The following RAP1GAP variants were observed in gnomAD, a reference collection of about 807,000 sequenced individuals.
The protein encoded by RAP1GAP is RAP1 GTPase activating protein, also known as rap1 GTPase-activating protein 1.
In RAP1GAP, 35 loss-of-function variants were observed where a neutral mutation model predicts 87.2. That is an observed-to-expected ratio of 0.40 (90% CI 0.31 to 0.53). The LOEUF is 0.53. Ranked by LOEUF, RAP1GAP falls within the 20% of genes least tolerant of loss-of-function variation. The probability of loss-of-function intolerance (pLI) is 0.48; values close to 1 mark genes in which losing one functional copy is unlikely to be tolerated. For synonymous variants in RAP1GAP, 375 were observed against 363.9 expected, an observed-to-expected ratio of 1.03 and a Z score of -0.35; for missense variants, 734 against 898.9, an observed-to-expected ratio of 0.82 and a Z score of 2.35.
rs2077499 is a variant in RAP1GAP at position 21,617,920 on chromosome 1, T to G, written c.105+14A>C. On this transcript the variant is annotated intron_variant, in intron 6 of 24. Coordinates refer to ENST00000374765, the MANE Select transcript of RAP1GAP (RefSeq NM_002885.4). ...GGCTTGAGTAAGGGTGGGCGCGGGG[T>G]TCTAGCTGAGTACCTCGTGCACGCT... is the stretch of plus-strand genomic sequence containing the variant. 9.0e-3 allele frequency: 14,546 copies of G among 1,613,766 alleles called. 218 individuals carry two copies. The highest frequency in any genetic ancestry group is 0.064 in the African/African-American group (4,823 of 74,892).
At chr1:21,621,974 G>A (rs1213142646) in intron 3 of RAP1GAP, among the ~76,000 whole-genome samples, 3 of 152,200 alleles carry the variant, frequency 2.0e-5, no homozygotes, top group Non-Finnish European at 4.4e-5. Context: ...TGAGAGATGG[G>A]GTCCAGATGG....
At chr1:21,632,618 G>T (rs886183312) in intron 2 of RAP1GAP, among the ~76,000 whole-genome samples, 1 of 152,224 alleles carries the variant, frequency 6.6e-6, no homozygotes, top group African/African-American at 2.4e-5. Context: ...AGCAGGGTCA[G>T]CCCAGGCTCA....
chr1:21,613,966 G>T lies in RAP1GAP; in HGVS notation c.395+20C>A. ...ACCTCAGCCCTTCCTGCCATCTCAGGACTCCCCCACCACCCTCACCTGAGC... is the reference window on the plus strand; with the variant it reads ...ACCTCAGCCCTTCCTGCCATCTCAGTACTCCCCCACCACCCTCACCTGAGC... On this transcript the variant is annotated intron_variant, in intron 8 of 24. Transcript: ENST00000374765. The surrounding 1 kb of genome is among the most constrained non-coding windows in gnomAD (Gnocchi z 4.7). 8 of 1,549,018 alleles carry T rather than the reference G, an allele frequency of 5.2e-6. No homozygotes were observed. Among genetic ancestry groups the T allele is most frequent in the South Asian group, 1.1e-5 (1 of 87,784 alleles).
chr1:21,616,433 G>A (rs565349326), intron 7 of RAP1GAP, among the ~76,000 whole-genome samples: 98 of 152,300 alleles, frequency 6.4e-4, no homozygotes, highest in Admixed American at 1.0e-3. Context: ...GAAGCTTTGC[G>A]TGTACTTTTA....
chr1:21,600,851 C>T (rs1410986628), intron 20 of RAP1GAP, among the ~76,000 whole-genome samples: 1 of 122,962 alleles, frequency 8.1e-6, no homozygotes, highest in African/African-American at 3.3e-5. Flanking sequence ...TGCCACTGCA[C>T]TCCAGCCTGG....
rs896431376 is a variant in RAP1GAP, at chr1:21,615,536, C to T, written c.292-1447G>A. On this transcript the variant is annotated intron_variant, in intron 7 of 24. Transcript: ENST00000374765. This position sits in a 1 kb window ranked among gnomAD's most constrained non-coding sequence, Gnocchi z 4.5. ...CCTCCTGAGTAGCTGGGATTACAGG[C>T]GCCCAGCACCACACCTGGCTAATTT... 2.6e-5 allele frequency among the ~76,000 whole-genome samples: 4 copies of T among 152,242 alleles called. No individual in the cohort carries two copies. The highest frequency in any genetic ancestry group is 9.6e-5 in the African/African-American group (4 of 41,550).
At chr1:21,659,691 G>C (rs1037324443) in intron 1 of RAP1GAP, among the ~76,000 whole-genome samples, 3 of 152,196 alleles carry the variant, frequency 2.0e-5, no homozygotes, top group African/African-American at 7.2e-5. Context: ...GGGGGAAATT[G>C]AGGTGTGCAA....
chr1:21,654,224 C>G (rs183738941), intron 1 of RAP1GAP, among the ~76,000 whole-genome samples: 69 of 152,298 alleles, frequency 4.5e-4, no homozygotes, highest in Non-Finnish European at 1.5e-5. Flanking sequence ...ACCTGCAAGA[C>G]CACTTCCAAG....
intron 2 of RAP1GAP, among the ~76,000 whole-genome samples, chr1:21,646,699 C>T (rs2096081711): frequency 6.6e-6 from 1 of 152,208 alleles, no homozygotes; most frequent in Admixed American, 6.5e-5. Flanking sequence ...TACCCTGACA[C>T]CTCTCTACCT....
chr1:21,632,482 G>T (rs545498455), intron 2 of RAP1GAP, among the ~76,000 whole-genome samples: 1 of 152,222 alleles, frequency 6.6e-6, no homozygotes, highest in Non-Finnish European at 1.5e-5. Context: ...CTGAGGCTTG[G>T]AGAGGTGAAA....
chr1:21,649,202 C>A (rs183701963), intron 2 of RAP1GAP, among the ~76,000 whole-genome samples: 1 of 152,106 alleles, frequency 6.6e-6, no homozygotes, highest in Non-Finnish European at 1.5e-5. Context: ...ACAGTTGCCT[C>A]GTTCCCTCCT....
At chr1:21,607,895 A>C (rs1570574012) in intron 17 of RAP1GAP, among the ~76,000 whole-genome samples, 1 of 146,876 alleles carries the variant, frequency 6.8e-6, no homozygotes, top group Admixed American at 6.8e-5. Context: ...CCGGCCCCTG[A>C]CTCCACCCCC....
At chr1:21,604,862 TG>T (rs2072864926) in intron 18 of RAP1GAP, among the ~76,000 whole-genome samples, 1 of 141,764 alleles carries the variant, frequency 7.1e-6, no homozygotes. Flanking sequence ...GATGGATGGA[TG>T]GATGGATGGA....
At chr1:21,666,521 G>GA (rs1488973906) in intron 1 of RAP1GAP, among the ~76,000 whole-genome samples, 1 of 152,192 alleles carries the variant, frequency 6.6e-6, no homozygotes, top group Admixed American at 6.5e-5. Flanking sequence ...GGAGGCAGGA[G>GA]AGGAGGGTCC....
intron 20 of RAP1GAP, among the ~76,000 whole-genome samples, chr1:21,600,901 T>TAAAAAAAAAAA (rs1558601080): frequency 6.7e-5 from 3 of 45,020 alleles, no homozygotes; most frequent in African/African-American, 8.8e-5. Flanking sequence ...AAAAAAAAAG[T>TAAAAAAAAAAA]CAAAGCTCTT....
rs61749349 is a variant in RAP1GAP at position 21,611,530 on chromosome 1, C to T, written c.765G>A (p.Val255=). Reference sequence around the variant, plus strand: ...TCTCCTTGTTGCGGAAGTTGCAGTACACAGATTCGGTCCCCGTCTGCCCGT... The same window carrying T: ...TCTCCTTGTTGCGGAAGTTGCAGTATACAGATTCGGTCCCCGTCTGCCCGT... ...VTHGQTGTES[V]YCNFRNKEIM... is the part of the protein sequence containing the mutation. The change falls in exon 13 of 25, where the codon GTG becomes GTA. Residue 255 remains valine (V), a synonymous_variant. Coordinates refer to ENST00000374765, the MANE Select transcript of RAP1GAP (RefSeq NM_002885.4). 8.0e-5 allele frequency: 129 copies of T among 1,614,204 alleles called. No homozygotes were observed. In the East Asian group the frequency reaches 2.7e-3, roughly 34 times the overall value.
chr1:21,613,440 G>A lies in RAP1GAP; in HGVS notation c.474+188C>T, dbSNP rs1054309292. On this transcript the variant is annotated intron_variant, in intron 9 of 24. Coordinates refer to ENST00000374765, the MANE Select transcript of RAP1GAP (RefSeq NM_002885.4). The surrounding 1 kb of genome is among the most constrained non-coding windows in gnomAD (Gnocchi z 4.7). ...GAAAACCAAAAGCACACAGGCAGGG[G>A]ACGGGGGCCTAGGAGAACACGTGGC... 6.6e-6 allele frequency among the ~76,000 whole-genome samples: 1 copy of A among 152,180 alleles called. No homozygotes were observed. Among genetic ancestry groups the A allele is most frequent in the Non-Finnish European group, 1.5e-5 (1 of 68,046 alleles).
rs1014416457 is a variant in RAP1GAP, at chr1:21,645,249, T to C, written c.-113+4512A>G. ...AGGAGCTTGGGCATCTAAGATTCTA[T>C]TTCAGCCCACCTCTGCCCATTCTGG... is the stretch of plus-strand genomic sequence containing the variant. On this transcript the variant is annotated intron_variant, in intron 2 of 24. Transcript: ENST00000374765. Among the ~76,000 whole-genome samples the C allele has an allele frequency of 3.3e-5, 5 of 152,292 alleles. No individual in the cohort carries two copies. In the East Asian group the frequency reaches 9.7e-4, roughly 30 times the overall value.
chr1:21,611,198 T>G (rs1032014466), intron 13 of RAP1GAP, among the ~76,000 whole-genome samples: 1 of 152,216 alleles, frequency 6.6e-6, no homozygotes, highest in Non-Finnish European at 1.5e-5. Context: ...ACTCTTGCAA[T>G]GTACTAGGCA....
Sources: gnomAD v4.1 joint callset for allele counts (sites outside exome capture counted in the v4.1 genomes callset) on GRCh38, gnomAD v4.1.1 for gene constraint, Gnocchi (gnomAD v3.1) non-coding constraint, MANE v1.5 for transcripts, NCBI Gene and HGNC (gene_info 2026-07-23, HGNC 2026-07-21) for gene names.